The following CD6 variants were observed in gnomAD, a reference collection of about 807,000 sequenced individuals.
CD6 encodes the protein T-cell differentiation antigen CD6.
A neutral mutation model predicts 75.3 loss-of-function variants in CD6; 53 were observed. That is an observed-to-expected ratio of 0.70 (90% CI 0.56 to 0.88). The LOEUF (loss-of-function observed/expected upper bound fraction) is 0.88. Among genes scored for constraint, CD6 ranks in the 40% least tolerant of loss-of-function variants. The pLI is 0.00. For missense variants in CD6, 770 were observed against 897.1 expected (o/e 0.86, Z 1.81); for synonymous variants, 359 against 381.5 (o/e 0.94, Z 0.69).
chr11:61,013,885 A>G, intron 7 of CD6, 34 bp from the exon 8 acceptor site: 2 of 1,502,118 alleles, frequency 1.3e-6, no homozygotes, highest in Non-Finnish European at 1.8e-6. Context: ...GGGCAAAAAA[A>G]TGACTTGTAG....
chr11:60,982,038 T>C (rs1857577810), intron 1 of CD6, among the ~76,000 whole-genome samples: 1 of 127,660 alleles, frequency 7.8e-6, no homozygotes, highest in Non-Finnish European at 1.6e-5. Context: ...GGCTGAGGTC[T>C]CCGGGAGGTG....
At chr11:61,003,184 C>T (rs1373253265) in intron 1 of CD6, among the ~76,000 whole-genome samples, 2 of 152,102 alleles carry the variant, frequency 1.3e-5, no homozygotes, top group Non-Finnish European at 2.9e-5. Context: ...AGGCTGGTCT[C>T]GGACTCCTGA....
chr11:61,019,338 C>G lies in CD6; in HGVS notation c.*20C>G, dbSNP rs375721208. On this transcript the variant is annotated 3_prime_UTR_variant, in exon 13 of 13. Transcript: ENST00000313421. ...GCCTAGGCCGGGGCCAGCCGAGGCT[C>G]CTGGGGTGGCTCTGACCCTCTGGCC... 6.3e-7 allele frequency: 1 copy of G among 1,599,404 alleles called. No homozygotes were observed. Among genetic ancestry groups the G allele is most frequent in the East Asian group, 2.2e-5 (1 of 44,800 alleles).
intron 1 of CD6, among the ~76,000 whole-genome samples, chr11:60,993,907 C>A (rs1486661735): frequency 6.6e-6 from 1 of 152,242 alleles, no homozygotes; most frequent in Non-Finnish European, 1.5e-5. Context: ...GGCTCACGCC[C>A]TCTCACTTTC....
chr11:60,989,598 G>A (rs767647546), intron 1 of CD6, among the ~76,000 whole-genome samples: 29 of 152,152 alleles, frequency 1.9e-4, no homozygotes, highest in Non-Finnish European at 1.8e-4. Flanking sequence ...TACTTTCCAC[G>A]GCAGAGCGCA....
rs1857190076 is a variant in CD6 at position 60,971,766 on chromosome 11, G to C, written c.-100G>C. The C allele has an allele frequency of 1.4e-5, 17 of 1,185,058 alleles. No homozygotes were observed. The highest frequency in any genetic ancestry group is 1.3e-4 in the South Asian group (10 of 78,436). The allele number at this position is 1,185,058 out of a possible 1,614,324, so 73.4% of individuals were successfully genotyped here. On this transcript the variant is annotated 5_prime_UTR_variant, in exon 1 of 13. Transcript: ENST00000313421. ...AACAAGAACAGCAAAGGGTAGAGCA[G>C]ACCTGCGCCAGGGGCGCACAACGGC...
intron 1 of CD6, among the ~76,000 whole-genome samples, chr11:60,998,074 C>A (rs1237392746): frequency 6.6e-6 from 1 of 152,154 alleles, no homozygotes; most frequent in Non-Finnish European, 1.5e-5. Context: ...TCTATATTGA[C>A]AGCATACTGA....
chr11:60,996,723 C>G (rs990594677), intron 1 of CD6, among the ~76,000 whole-genome samples: 1 of 152,236 alleles, frequency 6.6e-6, no homozygotes, highest in African/African-American at 2.4e-5. Context: ...ACACCCTGCC[C>G]TGTCCTGGCA....
chr11:60,998,919 G>C (rs1182493713), intron 1 of CD6, among the ~76,000 whole-genome samples: 1 of 151,786 alleles, frequency 6.6e-6, no homozygotes, highest in Non-Finnish European at 1.5e-5. Context: ...AGCATTTTGG[G>C]AGGCCAAGGC....
At chr11:60,991,149 C>CTTTTTTTT (rs58123378) in intron 1 of CD6, among the ~76,000 whole-genome samples, 3 of 114,712 alleles carry the variant, frequency 2.6e-5, no homozygotes, top group Non-Finnish European at 3.4e-5. Context: ...CTTTTTCTTT[C>CTTTTTTTT]TTTTTTTTTT....
rs1197406321 is a variant in CD6, at chr11:61,007,090, A to C, written c.118+448A>C. Among the ~76,000 whole-genome samples, 3 of 152,072 alleles carry C rather than the reference A, an allele frequency of 2.0e-5. No homozygotes were observed. The highest frequency in any genetic ancestry group is 4.8e-5 in the African/African-American group (2 of 41,400). On this transcript the variant is annotated intron_variant, in intron 2 of 12. Coordinates refer to ENST00000313421, the MANE Select transcript of CD6 (RefSeq NM_006725.5). The surrounding 1 kb of genome is among the most constrained non-coding windows in gnomAD (Gnocchi z 4.2). ...CCATCAGCTGAAGCAGCCCATCATC[A>C]ACCCCATGGCCAGCCGCTTCACAAT...
intron 1 of CD6, among the ~76,000 whole-genome samples, chr11:60,999,589 T>A (rs920220523): frequency 3.3e-5 from 5 of 151,936 alleles, no homozygotes; most frequent in African/African-American, 1.2e-4. Flanking sequence ...CATAAACTTA[T>A]CCCCACATCA....
chr11:61,002,037 T>G (rs1031750936), intron 1 of CD6, among the ~76,000 whole-genome samples: 2 of 151,762 alleles, frequency 1.3e-5, no homozygotes. Context: ...ACAGAGGGGG[T>G]TTTTTGGCCT....
chr11:61,008,906 C>A, intron 4 of CD6, 61 bp downstream of exon 4: 1 of 1,396,374 alleles, frequency 7.2e-7, no homozygotes, highest in Non-Finnish European at 9.5e-7. Flanking sequence ...GCCTACTGGG[C>A]GCCAAGCCTG....
At chr11:60,993,105 G>T (rs1858133718) in intron 1 of CD6, among the ~76,000 whole-genome samples, 1 of 152,168 alleles carries the variant, frequency 6.6e-6, no homozygotes, top group Admixed American at 6.5e-5. Flanking sequence ...TGGCACGGGA[G>T]CCTGAGCCAG....
rs1554999785 is a variant in CD6 at position 61,018,480 on chromosome 11, C to CAAAGGGAAAAGGAGAAAGG, written c.1942+89_1942+90insAGGGAAAAGGAGAAAGGAA. On this transcript the variant is annotated intron_variant, in intron 12 of 12. Coordinates refer to ENST00000313421, the MANE Select transcript of CD6 (RefSeq NM_006725.5). ...TGGGGAACTATTGGATGCATTCGCT[C>CAAAGGGAAAAGGAGAAAGG]AAGGGGAAAAGGAGAAAGGAAGGGT... 1.5e-5 allele frequency: 13 copies of CAAAGGGAAAAGGAGAAAGG among 887,194 alleles called. No individual in the cohort carries two copies. In the African/African-American group the frequency reaches 1.8e-4, roughly 12 times the overall value. The allele number at this position is 887,194 out of a possible 1,614,324, so 55.0% of individuals were successfully genotyped here. A position where few individuals can be genotyped will look rare whatever the true frequency, so the allele number is the denominator to read the frequency against.
chr11:61,007,642 G>A lies in CD6; in HGVS notation c.201G>A (p.Glu67=), dbSNP rs1428619380. The part of the protein sequence containing the change: ...TVEVRLEASW[E]PACGALWDSR... ...AGGTGCGGCTCGAGGCGTCCTGGGAGCCCGCGTGCGGGGCGCTCTGGGACA... is the reference window on the plus strand; with the variant it reads ...AGGTGCGGCTCGAGGCGTCCTGGGAACCCGCGTGCGGGGCGCTCTGGGACA... The change falls in exon 3 of 13, where the codon GAG becomes GAA. Residue 67 remains glutamate, a synonymous_variant. Transcript: ENST00000313421. The surrounding 1 kb of genome is among the most constrained non-coding windows in gnomAD (Gnocchi z 4.2). 2 of 1,470,412 alleles carry A rather than the reference G, an allele frequency of 1.4e-6. No individual in the cohort carries two copies. Among genetic ancestry groups the A allele is most frequent in the Admixed American group, 5.0e-5 (2 of 40,158 alleles). The allele number at this position is 1,470,412 out of a possible 1,614,324, so 91.1% of individuals were successfully genotyped here. A position where few individuals can be genotyped will look rare whatever the true frequency, so the allele number is the denominator to read the frequency against.
At chr11:61,015,892 C>T (rs1283812128) in intron 9 of CD6, 57 bp downstream of exon 9, 34 of 1,603,408 alleles carry the variant, frequency 2.1e-5, no homozygotes, top group Non-Finnish European at 2.8e-5. Flanking sequence ...GAGGGGGCCC[C>T]GAGGGGACCG....
chr11:61,013,057 G>A (rs1351558165), intron 6 of CD6, among the ~76,000 whole-genome samples: 1 of 152,190 alleles, frequency 6.6e-6, no homozygotes, highest in Admixed American at 6.5e-5. Flanking sequence ...CAAGGCCTGT[G>A]ATACTGTTGT....
Sources: allele counts gnomAD v4.1 joint callset (sites outside exome capture counted in the v4.1 genomes callset), GRCh38; gene constraint gnomAD v4.1.1; non-coding constraint Gnocchi (gnomAD v3.1); transcripts MANE v1.5; gene names NCBI Gene and HGNC (gene_info 2026-07-23, HGNC 2026-07-21).